HEPACAM: variants seen among roughly 807,000 people sequenced by gnomAD.
The protein encoded by HEPACAM is hepatic and glial cell adhesion molecule, also known as hepatocyte cell adhesion molecule.
HEPACAM carries 18 observed loss-of-function variants against 38.3 expected under a neutral mutation model. The observed-to-expected ratio is 0.47, with a 90% CI of 0.33 to 0.70. The LOEUF (loss-of-function observed/expected upper bound fraction) is 0.70. Among genes scored for constraint, HEPACAM ranks in the 30% least tolerant of loss-of-function variants. The pLI is 0.03. For synonymous variants in HEPACAM, 216 were observed against 243.1 expected, an observed-to-expected ratio of 0.89 and a Z score of 1.04; for missense variants, 466 against 563.0, an observed-to-expected ratio of 0.83 and a Z score of 1.74.
intron 1 of HEPACAM, among the ~76,000 whole-genome samples, chr11:124,931,946 T>G (rs1947285657): frequency 6.6e-6 from 1 of 152,218 alleles, no homozygotes; most frequent in Non-Finnish European, 1.5e-5. Flanking sequence ...ACAACTTAGA[T>G]GAATCCTACA....
At chr11:124,932,037 G>A (rs1275566470) in intron 1 of HEPACAM, among the ~76,000 whole-genome samples, 1 of 152,174 alleles carries the variant, frequency 6.6e-6, no homozygotes, top group African/African-American at 2.4e-5. Flanking sequence ...TTTATTAGAA[G>A]TTAGGATACC....
Position 124,920,660 on chromosome 11 carries a change from C to T in HEPACAM, c.*478G>A. The T allele has an allele frequency of 3.3e-6, 2 of 604,776 alleles. No individual in the cohort carries two copies. The highest frequency in any genetic ancestry group is 4.0e-6 in the Non-Finnish European group (2 of 495,526). The allele number at this position is 604,776 out of a possible 1,614,324, so 37.5% of individuals were successfully genotyped here. ...CAGCTGTGGATTCTGGGAAAGTGGC[C>T]TCTCTAATCTGAACTTGCAAAAAAA... On this transcript the variant is annotated 3_prime_UTR_variant, in exon 7 of 7. Transcript: ENST00000298251.
intron 4 of HEPACAM, among the ~76,000 whole-genome samples, 153 bp from the exon 5 acceptor site, chr11:124,922,971 T>C (rs1003008447): frequency 1.3e-5 from 2 of 152,140 alleles, no homozygotes; most frequent in African/African-American, 4.8e-5. Flanking sequence ...AGGAATCACA[T>C]CTAGGTTTGC....
intron 1 of HEPACAM, among the ~76,000 whole-genome samples, chr11:124,929,072 G>C (rs749213342): frequency 2.6e-5 from 4 of 152,138 alleles, no homozygotes; most frequent in Non-Finnish European, 5.9e-5. Flanking sequence ...CAAGTGGAAG[G>C]GATTTCCCCT....
chr11:124,933,498 T>C (rs985531416), intron 1 of HEPACAM, among the ~76,000 whole-genome samples: 1 of 152,218 alleles, frequency 6.6e-6, no homozygotes. Flanking sequence ...GTGTATTTAC[T>C]AAGTTACATT....
At chr11:124,935,146 A>G (rs1328945082) in intron 1 of HEPACAM, among the ~76,000 whole-genome samples, 1 of 150,630 alleles carries the variant, frequency 6.6e-6, no homozygotes, top group Non-Finnish European at 1.5e-5. Context: ...CCCTACCAAC[A>G]CCCCCTCCAC....
At chr11:124,927,496 C>A in intron 1 of HEPACAM, among the ~76,000 whole-genome samples, 1 of 145,780 alleles carries the variant, frequency 6.9e-6, no homozygotes. Flanking sequence ...GCATGTGCCA[C>A]TATGCCCAGC....
chr11:124,920,598 C>T lies in HEPACAM; in HGVS notation c.*540G>A. On this transcript the variant is annotated 3_prime_UTR_variant, in exon 7 of 7. Coordinates refer to ENST00000298251, the MANE Select transcript of HEPACAM (RefSeq NM_152722.5). ...CCCAGCTCAGAACAGCCCCTGCACA[C>T]CCAGTAACCGGCATCTGGCTTCTCC... 8.8e-7 allele frequency: 1 copy of T among 1,134,240 alleles called. No individual in the cohort carries two copies. The highest frequency in any genetic ancestry group is 1.1e-6 in the Non-Finnish European group (1 of 912,308). The allele number at this position is 1,134,240 out of a possible 1,614,324, so 70.3% of individuals were successfully genotyped here. A position where few individuals can be genotyped will look rare whatever the true frequency, so the allele number is the denominator to read the frequency against.
Position 124,924,527 on chromosome 11 carries a change from G to A in HEPACAM, c.427+201C>T. The A allele has an allele frequency of 4.5e-6, 3 of 659,440 alleles. No homozygotes were observed. The South Asian group carries it at 5.1e-5, about 11-fold the overall frequency. The allele number at this position is 659,440 out of a possible 1,614,324, so 40.8% of individuals were successfully genotyped here. A position where few individuals can be genotyped will look rare whatever the true frequency, so the allele number is the denominator to read the frequency against. On this transcript the variant is annotated intron_variant, in intron 2 of 6. Transcript: ENST00000298251. This position sits in a 1 kb window ranked among gnomAD's most constrained non-coding sequence, Gnocchi z 4.4. ...TGAGTCAACATATGCAAAGCACTTA[G>A]AATAGTTTCTGGCACATGGCAATCA...
chr11:124,922,431 T>C lies in HEPACAM; in HGVS notation c.905A>G (p.Gln302Arg). 1 of 1,614,190 alleles carries C rather than the reference T, an allele frequency of 6.2e-7. No homozygotes were observed. ...EADTLPRSGE[Q>R]ERKNPMALYI... ...GAGTGCCATGGGGTTCTTCCGTTCC[T>C]GCTCACCACTTCGAGGGAGGGTGTC... Residue 302 changes from glutamine (Q) to arginine (R), a missense_variant, in exon 6 of 7, where the codon CAG becomes CGG. Transcript: ENST00000298251.
intron 1 of HEPACAM, among the ~76,000 whole-genome samples, chr11:124,930,394 A>C (rs1947267780): frequency 6.6e-6 from 1 of 152,190 alleles, no homozygotes; most frequent in Non-Finnish European, 1.5e-5. Flanking sequence ...CCAGTTATTC[A>C]GGGATGTGAG....
chr11:124,928,887 C>A (rs945147967), intron 1 of HEPACAM, among the ~76,000 whole-genome samples: 2 of 152,194 alleles, frequency 1.3e-5, no homozygotes, highest in Non-Finnish European at 2.9e-5. Context: ...GTCATCAGGA[C>A]CCCCTGAGGC....
chr11:124,921,027 C>T lies in HEPACAM; in HGVS notation c.*111G>A. On this transcript the variant is annotated 3_prime_UTR_variant, in exon 7 of 7. Coordinates refer to ENST00000298251, the MANE Select transcript of HEPACAM (RefSeq NM_152722.5). The surrounding 1 kb of genome is among the most constrained non-coding windows in gnomAD (Gnocchi z 4.6). ...TCACACCCGAGACACCAGCGCCCCC[C>T]CGGGACCTCCCCTCGTCCCCAGCGC... The T allele has an allele frequency of 1.4e-6, 2 of 1,404,178 alleles. No homozygotes were observed. The highest frequency in any genetic ancestry group is 2.6e-4 in the Middle Eastern group (1 of 3,836). The allele number at this position is 1,404,178 out of a possible 1,614,324, so 87.0% of individuals were successfully genotyped here. A position where few individuals can be genotyped will look rare whatever the true frequency, so the allele number is the denominator to read the frequency against.
intron 1 of HEPACAM, among the ~76,000 whole-genome samples, chr11:124,935,475 A>G (rs546651650): frequency 2.4e-4 from 37 of 152,292 alleles, no homozygotes; most frequent in African/African-American, 8.7e-4. Context: ...GAGGCTCATT[A>G]TCTCCAAAGC....
intron 1 of HEPACAM, among the ~76,000 whole-genome samples, chr11:124,930,316 G>A (rs534184383): frequency 1.3e-5 from 2 of 152,304 alleles, no homozygotes; most frequent in South Asian, 4.1e-4. Flanking sequence ...TTATTGTGTG[G>A]ATGTTGGGGC....
In HEPACAM at chr11:124,919,726, C is replaced by CAA. The variant is rs1261225619; in HGVS notation, c.*1410_*1411dup. On this transcript the variant is annotated 3_prime_UTR_variant, in exon 7 of 7. Coordinates refer to ENST00000298251, the MANE Select transcript of HEPACAM (RefSeq NM_152722.5). ...AATGTCAGTGCCTTTGGGGCTGAGA[C>CAA]AAAACTTGACCTGGTGTGGAGGTGA... The CAA allele has an allele frequency of 1.2e-6, 2 of 1,610,298 alleles. No individual in the cohort carries two copies. Among genetic ancestry groups the CAA allele is most frequent in the Admixed American group, 1.7e-5 (1 of 59,878 alleles).
rs773959270 is a variant in HEPACAM at position 124,922,381 on chromosome 11, C to T, written c.948+7G>A. ...TGTTTCTGGGCACCCAGTCCAGAGC[C>T]GCTCACCTTGTCCTTCAGGATATAG... On this transcript the variant is annotated splice_region_variant and intron_variant, in intron 6 of 6. Coordinates refer to ENST00000298251, the MANE Select transcript of HEPACAM (RefSeq NM_152722.5). 20 of 1,613,664 alleles carry T rather than the reference C, an allele frequency of 1.2e-5. No homozygotes were observed. The highest frequency in any genetic ancestry group is 1.4e-5 in the Non-Finnish European group (16 of 1,179,690).
rs986222260 is a variant in HEPACAM, at chr11:124,921,244, G to A, written c.1145C>T (p.Pro382Leu). The change falls in exon 7 of 7, where the codon CCG becomes CTG. Residue 382 changes from proline (P) to leucine (L), a missense_variant. Coordinates refer to ENST00000298251, the MANE Select transcript of HEPACAM (RefSeq NM_152722.5). This position sits in a 1 kb window ranked among gnomAD's most constrained non-coding sequence, Gnocchi z 4.6. ...GRTHSSPPRA[P>L]SSPGRSRSAS... is the part of the protein sequence containing the mutation. ...GCTGCGCGAGCGGCCGGGCGAGCTC[G>A]GGGCCCTGGGCGGCGACGAGTGTGT... 3.4e-6 allele frequency: 5 copies of A among 1,456,276 alleles called. No individual in the cohort carries two copies. Among genetic ancestry groups the A allele is most frequent in the Admixed American group, 4.9e-5 (2 of 40,536 alleles). The allele number at this position is 1,456,276 out of a possible 1,614,324, so 90.2% of individuals were successfully genotyped here. A position where few individuals can be genotyped will look rare whatever the true frequency, so the allele number is the denominator to read the frequency against.
chr11:124,921,181 A>T lies in HEPACAM; in HGVS notation c.1208T>A (p.Ile403Asn), dbSNP rs1351998177. 6.5e-7 allele frequency: 1 copy of T among 1,527,492 alleles called. No homozygotes were observed. The highest frequency in any genetic ancestry group is 1.2e-5 in the South Asian group (1 of 83,358). 94.6% of individuals were successfully genotyped at this position (1,527,492 alleles called of 1,614,324 possible). ...RTLRTAGVHIIREQDEAGPVE... is the reference protein window; with the variant it reads ...RTLRTAGVHINREQDEAGPVE... ...CGGGCCGGCCTCGTCTTGCTCGCGG[A>T]TTATGTGCACGCCCGCAGTCCGCAG... The change falls in exon 7 of 7, where the codon ATC becomes AAC. Residue 403 changes from isoleucine (I) to asparagine (N), a missense_variant. Coordinates refer to ENST00000298251, the MANE Select transcript of HEPACAM (RefSeq NM_152722.5). The surrounding 1 kb of genome is among the most constrained non-coding windows in gnomAD (Gnocchi z 4.6).
Sources: gnomAD v4.1 joint callset for allele counts (sites outside exome capture counted in the v4.1 genomes callset) on GRCh38, gnomAD v4.1.1 for gene constraint, Gnocchi (gnomAD v3.1) non-coding constraint, MANE v1.5 for transcripts, NCBI Gene and HGNC (gene_info 2026-07-23, HGNC 2026-07-21) for gene names.